VWA8: variants seen among roughly 807,000 people sequenced by gnomAD.
VWA8 encodes the protein von Willebrand factor A domain-containing protein 8.
A neutral mutation model predicts 241.5 loss-of-function variants in VWA8; 221 were observed. The ratio of observed to expected loss-of-function variants is 0.91; its 90% CI spans 0.82 to 1.02. The LOEUF is 1.02. Ranked by LOEUF, VWA8 falls within the 50% of genes least tolerant of loss-of-function variation. The pLI is 0.00. For missense variants in VWA8, 2,322 were observed against 2,328.7 expected (o/e 1.00, Z 0.06); for synonymous variants, 852 against 827.1 (o/e 1.03, Z -0.52).
chr13:41,788,966 G>T (rs929485624), intron 17 of VWA8, among the ~76,000 whole-genome samples: 1 of 152,146 alleles, frequency 6.6e-6, no homozygotes. Flanking sequence ...AATATGGCAC[G>T]GATGCCTTCC....
rs2045020165 is a variant in VWA8 at position 41,671,125 on chromosome 13, T to C, written c.4432A>G (p.Thr1478Ala). The C allele has an allele frequency of 1.9e-6, 3 of 1,613,696 alleles. No homozygotes were observed. The highest frequency in any genetic ancestry group is 2.5e-6 in the Non-Finnish European group (3 of 1,179,786). Reference protein sequence around the residue: ...IPRSESLSPYTTWLSTISDTD... With the variant: ...IPRSESLSPYATWLSTISDTD... The stretch of plus-strand genomic sequence containing the variant: ...TCTGAAATGGTCGACAGCCATGTGG[T>C]ATACGGCGAGAGAGATTCTGATCTG... Residue 1478 changes from threonine (T) to alanine (A), a missense_variant, in exon 37 of 45, where the codon ACC (threonine) becomes GCC (alanine). Transcript: ENST00000379310.
chr13:41,907,610 T>G lies in VWA8; in HGVS notation c.459A>C (p.Ala153=). ...CCTGATCAATGTAAAAGGCTGTGCCTGCACGGATCTCTCGTCGCTGTTTGA... is the reference window on the plus strand; with the variant it reads ...CCTGATCAATGTAAAAGGCTGTGCCGGCACGGATCTCTCGTCGCTGTTTGA... ...TDLKQRREIR[A]GTAFYIDQCA... The change falls in exon 4 of 45, where the codon GCA becomes GCC. Residue 153 remains alanine (A), a synonymous_variant. Transcript: ENST00000379310. 1 of 1,614,190 alleles carries G rather than the reference T, an allele frequency of 6.2e-7. No individual in the cohort carries two copies. The highest frequency in any genetic ancestry group is 2.2e-5 in the East Asian group (1 of 44,876).
intron 20 of VWA8, among the ~76,000 whole-genome samples, chr13:41,771,049 C>T (rs1170965530): frequency 6.6e-6 from 1 of 152,056 alleles, no homozygotes; most frequent in Admixed American, 6.5e-5. Flanking sequence ...TGTCTAATAT[C>T]AGAAACCAAG....
intron 17 of VWA8, among the ~76,000 whole-genome samples, chr13:41,801,557 G>C (rs2137961660): frequency 6.6e-6 from 1 of 152,166 alleles, no homozygotes; most frequent in South Asian, 2.1e-4. Flanking sequence ...CGAAATCTTT[G>C]GGCTTACTGG....
chr13:41,864,480 C>A, intron 12 of VWA8: 1 of 349,608 alleles, frequency 2.9e-6, no homozygotes, highest in Non-Finnish European at 5.5e-6. Flanking sequence ...AGACATACAA[C>A]AGAATATGAC....
At chr13:41,709,130 G>A (rs538976199) in intron 26 of VWA8, among the ~76,000 whole-genome samples, 4 of 152,224 alleles carry the variant, frequency 2.6e-5, no homozygotes, top group South Asian at 4.2e-4. Context: ...AAGGACTCAC[G>A]GAATGAAAAC....
intron 20 of VWA8, among the ~76,000 whole-genome samples, chr13:41,761,820 T>A (rs2045742458): frequency 6.6e-6 from 1 of 152,058 alleles, no homozygotes. Context: ...AGAGTTGCTA[T>A]CCTTTTGTAG....
chr13:41,907,797 A>G lies in VWA8; in HGVS notation c.373-101T>C, dbSNP rs534681428. On this transcript the variant is annotated intron_variant, in intron 3 of 44. Coordinates refer to ENST00000379310, the MANE Select transcript of VWA8 (RefSeq NM_015058.2). ...CAATGCCATTGCCCATGAGAAGTGC[A>G]TTGTTAAACCTAATTTTGGGTTGAA... 7.3e-6 allele frequency: 7 copies of G among 953,620 alleles called. No homozygotes were observed. The East Asian group carries it at 1.5e-4, about 21-fold the overall frequency. The allele number at this position is 953,620 out of a possible 1,614,324, so 59.1% of individuals were successfully genotyped here.
chr13:41,960,759 G>T, intron 1 of VWA8, 94 bp downstream of exon 1: 1 of 1,404,064 alleles, frequency 7.1e-7, no homozygotes, highest in Non-Finnish European at 9.3e-7. Context: ...CCTTCCAAGC[G>T]CAGCGAAGCA....
In VWA8 at chr13:41,570,539, T is replaced by C. The variant is rs2044293634; in HGVS notation, c.5538A>G (p.Gln1846=). Residue 1846 remains glutamine, a synonymous_variant, in exon 44 of 45, where the codon CAA becomes CAG. Coordinates refer to ENST00000379310, the MANE Select transcript of VWA8 (RefSeq NM_015058.2). ...TTACTTGAGGGTCTCTTGTGAGGAT[T>C]TGAGCAAACTTAGCAGGATGTATTC... ...RYGIHPAKFA[Q]ILTRDPQVNA... is the part of the protein sequence containing the mutation. 6 of 1,614,214 alleles carry C rather than the reference T, an allele frequency of 3.7e-6. No homozygotes were observed. In the Admixed American group the frequency reaches 5.0e-5, roughly 13 times the overall value.
At chr13:41,865,436 T>G (rs1244604509) in intron 12 of VWA8, 3 of 319,988 alleles carry the variant, frequency 9.4e-6, no homozygotes, top group Non-Finnish European at 1.8e-5. Context: ...CCTGTATTTT[T>G]ATAACTATTA....
chr13:41,942,161 T>C (rs1877630436), intron 2 of VWA8, among the ~76,000 whole-genome samples: 1 of 152,178 alleles, frequency 6.6e-6, no homozygotes. Flanking sequence ...GGTGAAGAAT[T>C]TATGTCATTA....
intron 12 of VWA8, among the ~76,000 whole-genome samples, chr13:41,844,085 C>A (rs1040929370): frequency 6.6e-6 from 1 of 152,054 alleles, no homozygotes; most frequent in African/African-American, 2.4e-5. Context: ...CACAAAAATC[C>A]TCAACAAAAT....
chr13:41,789,945 G>C (rs1566458540), intron 17 of VWA8, among the ~76,000 whole-genome samples: 1 of 152,050 alleles, frequency 6.6e-6, no homozygotes, highest in Non-Finnish European at 1.5e-5. Context: ...GGAAGGTTTT[G>C]TTTGTTCATT....
chr13:41,871,550 G>A (rs1271527871), intron 9 of VWA8, among the ~76,000 whole-genome samples: 1 of 152,136 alleles, frequency 6.6e-6, no homozygotes, highest in Non-Finnish European at 1.5e-5. Flanking sequence ...GTGAGAATAT[G>A]CGGTGTTTGG....
intron 37 of VWA8, among the ~76,000 whole-genome samples, chr13:41,644,708 T>C (rs762865040): frequency 2.6e-5 from 4 of 152,236 alleles, no homozygotes; most frequent in Admixed American, 1.3e-4. Context: ...CTGGAGTAAT[T>C]TGGTAAACAG....
At chr13:41,863,455 T>TATTCACACA (rs1566485517) in intron 12 of VWA8, among the ~76,000 whole-genome samples, 7 of 87,186 alleles carry the variant, frequency 8.0e-5, no homozygotes, top group African/African-American at 3.0e-4. Context: ...ATATATATAT[T>TATTCACACA]CACACACACA....
At chr13:41,627,287 C>T (rs1018472557) in intron 37 of VWA8, among the ~76,000 whole-genome samples, 11 of 152,160 alleles carry the variant, frequency 7.2e-5, no homozygotes, top group South Asian at 2.1e-4. Flanking sequence ...TGCTCAGGCC[C>T]GCTCCCAGAC....
chr13:41,602,256 G>GA (rs2044526332), intron 40 of VWA8, among the ~76,000 whole-genome samples: 1 of 152,082 alleles, frequency 6.6e-6, no homozygotes, highest in Non-Finnish European at 1.5e-5. Context: ...TTTGGATAAT[G>GA]ATGCAAAATG....
Sources: gnomAD v4.1 joint callset for allele counts (sites outside exome capture counted in the v4.1 genomes callset) on GRCh38, gnomAD v4.1.1 for gene constraint, MANE v1.5 for transcripts, NCBI Gene and HGNC (gene_info 2026-07-23, HGNC 2026-07-21) for gene names.